DCHS2: variants seen among roughly 807,000 people sequenced by gnomAD.
The protein encoded by DCHS2 is dachsous cadherin-related 2, also known as protocadherin-23.
DCHS2 carries 142 observed loss-of-function variants against 182.4 expected under a neutral mutation model. The ratio of observed to expected loss-of-function variants is 0.78; its 90% CI spans 0.68 to 0.89. DCHS2 has a LOEUF of 0.89. Ranked by LOEUF, DCHS2 falls within the 40% of genes least tolerant of loss-of-function variation. The probability of loss-of-function intolerance (pLI) is 0.00; values close to 1 mark genes in which losing one functional copy is unlikely to be tolerated. For missense variants in DCHS2, 4,319 were observed against 4,198.6 expected (o/e 1.03, Z -0.79); for synonymous variants, 1,740 against 1,663.3 (o/e 1.05, Z -1.12).
At chr4:154,291,475 A>G (rs953589530) in intron 13 of DCHS2, among the ~76,000 whole-genome samples, 6 of 152,154 alleles carry the variant, frequency 3.9e-5, no homozygotes, top group African/African-American at 1.4e-4. Context: ...AAATCAGTAC[A>G]TTGAAGATAT....
At chr4:154,349,040 T>C (rs558107995) in intron 3 of DCHS2, among the ~76,000 whole-genome samples, 1 of 152,160 alleles carries the variant, frequency 6.6e-6, no homozygotes, top group East Asian at 1.9e-4. Context: ...GGCATGACAG[T>C]TAAATCAGGC....
chr4:154,330,860 A>G (rs749696601), intron 5 of DCHS2, among the ~76,000 whole-genome samples: 8 of 152,170 alleles, frequency 5.3e-5, no homozygotes, highest in South Asian at 4.1e-4. Flanking sequence ...TTTAAATTCC[A>G]AACTATAATT....
chr4:154,400,128 C>A (rs1329496669), intron 1 of DCHS2, among the ~76,000 whole-genome samples: 1 of 151,834 alleles, frequency 6.6e-6, no homozygotes, highest in African/African-American at 2.4e-5. Context: ...ACGGTAAAAC[C>A]CCGTCTCTAC....
chr4:154,429,188 T>C (rs1733459897), intron 1 of DCHS2, among the ~76,000 whole-genome samples: 1 of 152,194 alleles, frequency 6.6e-6, no homozygotes, highest in Non-Finnish European at 1.5e-5. Flanking sequence ...TTTGCTGGCA[T>C]AGAATGTGAG....
At position 154,290,171 on chromosome 4, in the gene DCHS2, G is replaced by A. The variant is rs370365987; in HGVS notation, c.6463+7680C>T. Among the ~76,000 whole-genome samples the A allele has an allele frequency of 8.6e-5, 13 of 151,966 alleles. No individual in the cohort carries two copies. In the South Asian group the frequency reaches 1.5e-3, roughly 17 times the overall value. On this transcript the variant is annotated intron_variant, in intron 13 of 19. Transcript: ENST00000357232. ...GCAGCAAACAATATGAAAAAGAAAC[G>A]AGAAAGTAATCTCATTTACAATAGC... is the stretch of plus-strand genomic sequence containing the variant.
chr4:154,288,551 C>G (rs75447260), intron 13 of DCHS2, among the ~76,000 whole-genome samples: 1,907 of 152,088 alleles, frequency 0.013, 47 homozygotes, highest in African/African-American at 0.044. Flanking sequence ...TTAATAGGCA[C>G]CATATATCAA....
intron 15 of DCHS2, among the ~76,000 whole-genome samples, chr4:154,257,041 A>C (rs1210382635): frequency 6.6e-6 from 1 of 152,168 alleles, no homozygotes; most frequent in Non-Finnish European, 1.5e-5. Context: ...CGAGGTTAAG[A>C]GATCAAGACC....
At chr4:154,426,660 G>A (rs541791181) in intron 1 of DCHS2, among the ~76,000 whole-genome samples, 78 of 152,218 alleles carry the variant, frequency 5.1e-4, no homozygotes, top group Non-Finnish European at 9.7e-4. Flanking sequence ...CTGGTCAGGT[G>A]CGATGGCTCA....
intron 3 of DCHS2, among the ~76,000 whole-genome samples, chr4:154,363,487 CT>C (rs992003324): frequency 2.0e-5 from 3 of 152,122 alleles, no homozygotes; most frequent in Non-Finnish European, 2.9e-5. Context: ...CATGGTCTCA[CT>C]TTTACATGTG....
At chr4:154,349,681 A>T (rs1257299552) in intron 3 of DCHS2, among the ~76,000 whole-genome samples, 1 of 152,164 alleles carries the variant, frequency 6.6e-6, no homozygotes, top group East Asian at 1.9e-4. Context: ...GGGTTCAACA[A>T]CTAAGGGAAA....
At chr4:154,480,951 TAAC>T (rs901382915) in intron 1 of DCHS2, among the ~76,000 whole-genome samples, 2 of 152,214 alleles carry the variant, frequency 1.3e-5, no homozygotes, top group African/African-American at 2.4e-5. Context: ...AATAATATGT[TAAC>T]AATTATTTTA....
intron 2 of DCHS2, among the ~76,000 whole-genome samples, chr4:154,372,445 G>A (rs377558989): frequency 2.6e-5 from 4 of 152,258 alleles, no homozygotes; most frequent in East Asian, 1.9e-4. Flanking sequence ...AGCTCAGTCC[G>A]TTTACTTCCT....
intron 1 of DCHS2, among the ~76,000 whole-genome samples, chr4:154,464,619 T>A (rs1241846292): frequency 1.3e-5 from 2 of 152,208 alleles, no homozygotes; most frequent in Non-Finnish European, 2.9e-5. Context: ...ATCTCTCACG[T>A]ATAGTAAAGA....
chr4:154,462,425 C>A (rs1232160957), intron 1 of DCHS2, among the ~76,000 whole-genome samples: 1 of 152,108 alleles, frequency 6.6e-6, no homozygotes, highest in Non-Finnish European at 1.5e-5. Flanking sequence ...TCATCACAAA[C>A]ATGTAAGGTA....
intron 1 of DCHS2, among the ~76,000 whole-genome samples, chr4:154,483,728 A>G (rs1297733647): frequency 6.6e-6 from 1 of 152,172 alleles, no homozygotes; most frequent in African/African-American, 2.4e-5. Context: ...GATGCCAACC[A>G]TCTCTCTGGG....
At chr4:154,314,139 C>T (rs2111321507) in intron 10 of DCHS2, among the ~76,000 whole-genome samples, 1 of 152,110 alleles carries the variant, frequency 6.6e-6, no homozygotes, top group East Asian at 1.9e-4. Context: ...AAAGCAAGGC[C>T]AAAGGGAGGA....
chr4:154,445,438 GTTC>G (rs754591327), intron 1 of DCHS2, among the ~76,000 whole-genome samples: 84 of 152,062 alleles, frequency 5.5e-4, no homozygotes, highest in Non-Finnish European at 7.1e-4. Flanking sequence ...CGTATAATTC[GTTC>G]TTCTTGCTCC....
At chr4:154,307,441 G>GCACACA (rs34718837) in intron 10 of DCHS2, among the ~76,000 whole-genome samples, 1 of 149,978 alleles carries the variant, frequency 6.7e-6, no homozygotes. Flanking sequence ...ATGTGCGCGC[G>GCACACA]CACACACACA....
chr4:154,402,753 G>A (rs1732242775), intron 1 of DCHS2, among the ~76,000 whole-genome samples: 1 of 152,174 alleles, frequency 6.6e-6, no homozygotes, highest in Non-Finnish European at 1.5e-5. Flanking sequence ...GCTTTGTTTT[G>A]AAATGTGGGG....
Sources: gnomAD v4.1 joint callset for allele counts (sites outside exome capture counted in the v4.1 genomes callset) on GRCh38, gnomAD v4.1.1 for gene constraint, MANE v1.5 for transcripts, NCBI Gene and HGNC (gene_info 2026-07-23, HGNC 2026-07-21) for gene names.